The following TMPRSS15 variants were observed in gnomAD, a reference collection of about 807,000 sequenced individuals.
The protein encoded by TMPRSS15 is enteropeptidase.
TMPRSS15 carries 128 observed loss-of-function variants against 125.3 expected under a neutral mutation model. The ratio of observed to expected loss-of-function variants is 1.02; its 90% confidence interval spans 0.89 to 1.18. The LOEUF is 1.18. Ranked by LOEUF, TMPRSS15 falls within the 50% of genes most tolerant of loss-of-function variation. The pLI, the probability that TMPRSS15 is intolerant of heterozygous loss-of-function variation, is 0.00. For missense variants in TMPRSS15, 1,283 were observed against 1,212.7 expected (o/e 1.06, Z -0.86); for synonymous variants, 446 against 423.2 (o/e 1.05, Z -0.66).
intron 1 of TMPRSS15, among the ~76,000 whole-genome samples, chr21:18,438,951 T>C (rs1417688946): frequency 6.6e-6 from 1 of 152,214 alleles, no homozygotes; most frequent in Non-Finnish European, 1.5e-5. Flanking sequence ...CCCAGTAGTC[T>C]ACATGATTTT....
In TMPRSS15 at chr21:18,294,418, C is replaced by A. The variant is rs775281790; in HGVS notation, c.2338G>T (p.Asp780Tyr). The A allele has an allele frequency of 6.2e-7, 1 of 1,614,202 alleles. No homozygotes were observed. Among genetic ancestry groups the A allele is most frequent in the Admixed American group, 1.7e-5 (1 of 60,022 alleles). ...KSCGKKLAAQ[D>Y]ITPKIVGGSN... ...CCTCCAACAATCTTTGGGGTGATGTCTTGAGCTGCCAGTTTTTTTCCACAA... is the reference window on the plus strand; with the variant it reads ...CCTCCAACAATCTTTGGGGTGATGTATTGAGCTGCCAGTTTTTTTCCACAA... The change falls in exon 21 of 25, where the codon GAC becomes TAC. Residue 780 changes from aspartate (D) to tyrosine (Y), a missense_variant. Coordinates refer to ENST00000284885, the MANE Select transcript of TMPRSS15 (RefSeq NM_002772.3).
At chr21:18,295,303 T>A (rs2074891878) in intron 19 of TMPRSS15, among the ~76,000 whole-genome samples, 1 of 152,246 alleles carries the variant, frequency 6.6e-6, no homozygotes, top group Non-Finnish European at 1.5e-5. Context: ...AATTCCATTT[T>A]AAACAAAAAC....
chr21:18,365,659 C>CTTCT (rs2147033850), intron 6 of TMPRSS15, among the ~76,000 whole-genome samples: 1 of 114,796 alleles, frequency 8.7e-6, no homozygotes, highest in African/African-American at 3.7e-5. Flanking sequence ...CCCTTCCTTC[C>CTTCT]TTCCTTCCTT....
At chr21:18,441,689 A>ATTATTATTG (rs1180068728) in intron 1 of TMPRSS15, among the ~76,000 whole-genome samples, 1 of 146,784 alleles carries the variant, frequency 6.8e-6, no homozygotes, top group African/African-American at 2.5e-5. Flanking sequence ...TATTATTATT[A>ATTATTATTG]TTATTATTAT....
intron 1 of TMPRSS15, among the ~76,000 whole-genome samples, chr21:18,412,723 CCTGCTGCTGCTG>C (rs1002437186): frequency 1.3e-5 from 2 of 151,452 alleles, no homozygotes; most frequent in African/African-American, 4.8e-5. Flanking sequence ...GTCTAGTAAC[CCTGCTGCTGCTG>C]CTGCTGCTGC....
intron 1 of TMPRSS15, among the ~76,000 whole-genome samples, chr21:18,466,511 T>A (rs1392357344): frequency 6.6e-6 from 1 of 151,040 alleles, no homozygotes; most frequent in Non-Finnish European, 1.5e-5. Flanking sequence ...TTGCAATCTA[T>A]CCATCTAACA....
At chr21:18,337,189 C>T (rs187150660) in intron 13 of TMPRSS15, among the ~76,000 whole-genome samples, 424 of 152,196 alleles carry the variant, frequency 2.8e-3, no homozygotes, top group Middle Eastern at 6.8e-3. Context: ...GTACTGCACC[C>T]GGCCATGCCA....
At chr21:18,306,050 T>A (rs1185176204) in intron 18 of TMPRSS15, among the ~76,000 whole-genome samples, 1 of 152,208 alleles carries the variant, frequency 6.6e-6, no homozygotes, top group Non-Finnish European at 1.5e-5. Flanking sequence ...CAAAAAATTT[T>A]AAAAATGTAA....
chr21:18,397,629 C>G (rs1377302235), intron 3 of TMPRSS15, among the ~76,000 whole-genome samples: 1 of 152,026 alleles, frequency 6.6e-6, no homozygotes, highest in East Asian at 1.9e-4. Flanking sequence ...GCATCTGTAC[C>G]CTCTCCATGT....
At chr21:18,279,630 G>A (rs113259513) in intron 22 of TMPRSS15, among the ~76,000 whole-genome samples, 5 of 151,450 alleles carry the variant, frequency 3.3e-5, no homozygotes, top group East Asian at 1.9e-4. Flanking sequence ...CACCGCACCC[G>A]GCCCTCATTT....
At chr21:18,416,287 A>G (rs973506643) in intron 1 of TMPRSS15, among the ~76,000 whole-genome samples, 1 of 152,032 alleles carries the variant, frequency 6.6e-6, no homozygotes, top group Non-Finnish European at 1.5e-5. Flanking sequence ...AGAAATAGAG[A>G]AAAGAATCCT....
chr21:18,327,408 T>C (rs1050071868), intron 15 of TMPRSS15, among the ~76,000 whole-genome samples: 1 of 152,218 alleles, frequency 6.6e-6, no homozygotes, highest in African/African-American at 2.4e-5. Context: ...TTCAGATTCC[T>C]CAGTTCTTGC....
rs766220195 is a variant in TMPRSS15 at position 18,344,045 on chromosome 21, G to A, written c.1187C>T (p.Thr396Ile). The A allele has an allele frequency of 1.9e-6, 3 of 1,613,598 alleles. No individual in the cohort carries two copies. Among genetic ancestry groups the A allele is most frequent in the African/African-American group, 1.3e-5 (1 of 75,012 alleles). ...FGNASGFYIS[T>I]PTGPGGRQER... ...TTGTCTCCCTCCTGGTCCAGTTGGG[G>A]TAGAAATGTAAAATCCTGTAAAAAT... Residue 396 changes from threonine (T) to isoleucine (I), a missense_variant, in exon 11 of 25, where the codon ACC becomes ATC. Transcript: ENST00000284885.
At chr21:18,355,076 G>T (rs1020670663) in intron 8 of TMPRSS15, among the ~76,000 whole-genome samples, 48 of 151,954 alleles carry the variant, frequency 3.2e-4, no homozygotes, top group African/African-American at 1.1e-3. Context: ...TGCATTCAAT[G>T]TTTTTTATGA....
intron 22 of TMPRSS15, among the ~76,000 whole-genome samples, chr21:18,280,720 C>A (rs181812212): frequency 2.0e-5 from 3 of 152,096 alleles, no homozygotes; most frequent in Middle Eastern, 6.9e-3. Context: ...ATGAACCTAC[C>A]TTTCTTTTAC....
At chr21:18,281,952 C>T (rs2074704064) in intron 21 of TMPRSS15, among the ~76,000 whole-genome samples, 1 of 151,684 alleles carries the variant, frequency 6.6e-6, no homozygotes, top group Non-Finnish European at 1.5e-5. Context: ...AAAAAATCAG[C>T]CGGGCGTGGT....
chr21:18,302,002 C>T (rs1364936798), intron 18 of TMPRSS15, among the ~76,000 whole-genome samples: 1 of 152,168 alleles, frequency 6.6e-6, no homozygotes, highest in Non-Finnish European at 1.5e-5. Context: ...ATCTTCTGCT[C>T]TGTTCTTAGC....
chr21:18,440,151 G>C (rs2076237683), intron 1 of TMPRSS15, among the ~76,000 whole-genome samples: 1 of 151,858 alleles, frequency 6.6e-6, no homozygotes, highest in Admixed American at 6.6e-5. Flanking sequence ...GAGACGGGCG[G>C]ATCACGAGGT....
At chr21:18,342,509 C>T (rs1601361051) in intron 12 of TMPRSS15, among the ~76,000 whole-genome samples, 1 of 152,322 alleles carries the variant, frequency 6.6e-6, no homozygotes, top group Admixed American at 6.5e-5. Context: ...CGCACCACCT[C>T]ATGAGCTGTG....
Sources: gnomAD v4.1 joint callset for allele counts (sites outside exome capture counted in the v4.1 genomes callset) on GRCh38, gnomAD v4.1.1 for gene constraint, MANE v1.5 for transcripts, NCBI Gene and HGNC (gene_info 2026-07-23, HGNC 2026-07-21) for gene names.